BABAM2: variants seen among roughly 807,000 people sequenced by gnomAD.
BABAM2 encodes BRISC and BRCA1 A complex member 2, also known as BRISC and BRCA1-A complex member 2.
BABAM2 carries 31 observed loss-of-function variants against 54.7 expected under a neutral mutation model. The ratio of observed to expected loss-of-function variants is 0.57; its 90% confidence interval spans 0.43 to 0.77. The LOEUF is 0.77. Among genes scored for constraint, BABAM2 ranks in the 30% least tolerant of loss-of-function variants. The probability of loss-of-function intolerance (pLI) is 0.00; values close to 1 mark genes in which losing one functional copy is unlikely to be tolerated. For synonymous variants in BABAM2, 167 were observed against 162.9 expected (o/e 1.03, Z -0.19); for missense variants, 364 against 455.8 (o/e 0.80, Z 1.83).
chr2:27,985,130 A>T (rs1672313117), intron 3 of BABAM2, among the ~76,000 whole-genome samples: 1 of 147,066 alleles, frequency 6.8e-6, no homozygotes, highest in Non-Finnish European at 1.5e-5. Context: ...TTGTTGACTG[A>T]TGGGCATTTG....
intron 3 of BABAM2, among the ~76,000 whole-genome samples, chr2:27,968,245 G>A (rs778368238): frequency 5.9e-5 from 9 of 152,206 alleles, no homozygotes; most frequent in East Asian, 5.8e-4. Flanking sequence ...GGTGCCCTGC[G>A]CCCCAGTTGC....
chr2:28,219,207 A>T (rs148186704), intron 7 of BABAM2, among the ~76,000 whole-genome samples: 197 of 152,338 alleles, frequency 1.3e-3, no homozygotes, highest in South Asian at 9.1e-3. Context: ...CAGAGAGTTC[A>T]GTCCCTTGCA....
chr2:28,211,313 A>G (rs1293364590), intron 7 of BABAM2, among the ~76,000 whole-genome samples: 1 of 151,324 alleles, frequency 6.6e-6, no homozygotes, highest in Admixed American at 6.6e-5. Flanking sequence ...AGTATAATGG[A>G]CCGCAGATAG....
intron 10 of BABAM2, among the ~76,000 whole-genome samples, chr2:28,250,570 A>G (rs1205215889): frequency 8.9e-6 from 1 of 112,460 alleles, no homozygotes; most frequent in Non-Finnish European, 1.8e-5. Flanking sequence ...ATAAACAATC[A>G]TATATATTTT....
At chr2:28,060,809 A>G (rs1340221766) in intron 6 of BABAM2, among the ~76,000 whole-genome samples, 2 of 152,206 alleles carry the variant, frequency 1.3e-5, no homozygotes, top group African/African-American at 4.8e-5. Context: ...AAACTACAAA[A>G]CATTGCTGAG....
intron 7 of BABAM2, among the ~76,000 whole-genome samples, chr2:28,151,941 C>A (rs991525958): frequency 6.6e-6 from 1 of 152,144 alleles, no homozygotes; most frequent in African/African-American, 2.4e-5. Flanking sequence ...AGAGAGTGGG[C>A]AGGTTTGCAT....
intron 3 of BABAM2, among the ~76,000 whole-genome samples, chr2:27,946,705 G>T (rs1669322542): frequency 6.6e-6 from 1 of 151,720 alleles, no homozygotes; most frequent in South Asian, 2.1e-4. Context: ...GAAGAGAGGA[G>T]AGAGAGAGAG....
intron 4 of BABAM2, among the ~76,000 whole-genome samples, chr2:28,007,155 A>G (rs1019474859): frequency 7.2e-5 from 11 of 151,950 alleles, no homozygotes; most frequent in Admixed American, 3.3e-4. Flanking sequence ...GTTCCAAAGT[A>G]ATGTTTGTTA....
intron 7 of BABAM2, among the ~76,000 whole-genome samples, chr2:28,200,592 T>C (rs1161368024): frequency 1.3e-5 from 2 of 152,190 alleles, no homozygotes; most frequent in African/African-American, 4.8e-5. Context: ...CTATAAGTAA[T>C]AGTTTAAATA....
In BABAM2 at chr2:27,993,583, G is replaced by A. The variant is rs558422877; in HGVS notation, c.300+5496G>A. On this transcript the variant is annotated intron_variant, in intron 4 of 11. Coordinates refer to ENST00000379624, the MANE Select transcript of BABAM2 (RefSeq NM_199191.3). ...ATAATTCACTTTAACTTAAAATGAA[G>A]TTGCATAAAGGAGGAAGGGTGGATC... Among the ~76,000 whole-genome samples the A allele has an allele frequency of 2.1e-4, 32 of 152,262 alleles. 1 individual carries two copies. In the South Asian group the frequency reaches 6.0e-3, roughly 29 times the overall value.
At chr2:28,228,478 A>G (rs946381797) in intron 7 of BABAM2, among the ~76,000 whole-genome samples, 1 of 152,198 alleles carries the variant, frequency 6.6e-6, no homozygotes, top group Non-Finnish European at 1.5e-5. Context: ...AAGGTAATTC[A>G]TAGGAAAAGT....
intron 6 of BABAM2, among the ~76,000 whole-genome samples, chr2:28,069,922 T>G (rs1260529598): frequency 6.6e-6 from 1 of 152,222 alleles, no homozygotes; most frequent in African/African-American, 2.4e-5. Context: ...TTGCGCAGGC[T>G]GGATCACAGA....
At position 28,096,632 on chromosome 2, in the gene BABAM2, A is replaced by G. The variant is rs1045225448; in HGVS notation, c.571-32639A>G. On this transcript the variant is annotated intron_variant, in intron 6 of 11. Coordinates refer to ENST00000379624, the MANE Select transcript of BABAM2 (RefSeq NM_199191.3). ...GTTGCCATTTTTTCAGTAGTATAGA[A>G]CATTCCATTATGTTAACATGTCATA... Among the ~76,000 whole-genome samples the G allele has an allele frequency of 5.3e-5, 8 of 152,228 alleles. 1 individual carries two copies. Among genetic ancestry groups the G allele is most frequent in the Admixed American group, 6.6e-5 (1 of 15,262 alleles).
chr2:28,163,381 G>A (rs1033718459), intron 7 of BABAM2, among the ~76,000 whole-genome samples: 1 of 152,160 alleles, frequency 6.6e-6, no homozygotes, highest in South Asian at 2.1e-4. Flanking sequence ...TAAGTCAGTA[G>A]CTGGCTATCA....
intron 3 of BABAM2, among the ~76,000 whole-genome samples, chr2:27,973,638 G>A (rs1298136742): frequency 6.6e-6 from 1 of 152,128 alleles, no homozygotes; most frequent in Admixed American, 6.6e-5. Context: ...CCACTGGGAG[G>A]CAGAGTACGG....
chr2:28,042,003 A>G (rs1294686405), intron 5 of BABAM2, among the ~76,000 whole-genome samples: 1 of 152,108 alleles, frequency 6.6e-6, no homozygotes, highest in Non-Finnish European at 1.5e-5. Context: ...TTGAAGGGAG[A>G]GTCCAAAAGT....
intron 2 of BABAM2, among the ~76,000 whole-genome samples, chr2:27,895,864 A>T (rs1665257582): frequency 6.6e-6 from 1 of 152,110 alleles, no homozygotes; most frequent in African/African-American, 2.4e-5. Flanking sequence ...TTATTCAGTT[A>T]TTTACTTATG....
chr2:28,163,471 A>G (rs1020447272), intron 7 of BABAM2, among the ~76,000 whole-genome samples: 1 of 152,192 alleles, frequency 6.6e-6, no homozygotes, highest in African/African-American at 2.4e-5. Flanking sequence ...CAGGTCACAG[A>G]AAATGTACAC....
chr2:27,910,024 C>T (rs775094542), intron 2 of BABAM2, among the ~76,000 whole-genome samples: 2 of 152,138 alleles, frequency 1.3e-5, no homozygotes, highest in Non-Finnish European at 1.5e-5. Flanking sequence ...AAGTAAGTTG[C>T]GTGACTTGTT....
Sources: allele counts gnomAD v4.1 joint callset (sites outside exome capture counted in the v4.1 genomes callset), GRCh38; gene constraint gnomAD v4.1.1; transcripts MANE v1.5; gene names NCBI Gene and HGNC (gene_info 2026-07-23, HGNC 2026-07-21).